The following CNTN3 variants were observed in gnomAD, a reference collection of about 807,000 sequenced individuals.
The protein encoded by CNTN3 is contactin 3.
In CNTN3, 60 loss-of-function variants were observed where a neutral mutation model predicts 119.1. The observed-to-expected ratio is 0.50, with a 90% CI of 0.41 to 0.62. The LOEUF is 0.62. Among genes scored for constraint, CNTN3 ranks in the 20% least tolerant of loss-of-function variants. CNTN3 has a pLI of 0.00. For synonymous variants in CNTN3, 450 were observed against 438.7 expected (o/e 1.03, Z -0.32); for missense variants, 1,101 against 1,242.4 (o/e 0.89, Z 1.71).
intron 1 of CNTN3, among the ~76,000 whole-genome samples, chr3:74,563,975 G>C (rs1704190271): frequency 1.3e-5 from 2 of 152,040 alleles, no homozygotes; most frequent in East Asian, 3.9e-4. Context: ...AGATTTACTG[G>C]GTCTGCACCA....
intron 5 of CNTN3, among the ~76,000 whole-genome samples, chr3:74,375,772 A>G (rs920061232): frequency 2.0e-5 from 3 of 152,208 alleles, no homozygotes; most frequent in Non-Finnish European, 4.4e-5. Flanking sequence ...CTCCATAAGC[A>G]ACATAGGCCT....
At chr3:74,487,539 C>T (rs974982163) in intron 3 of CNTN3, among the ~76,000 whole-genome samples, 2 of 151,952 alleles carry the variant, frequency 1.3e-5, no homozygotes, top group African/African-American at 2.4e-5. Context: ...AACTATAATG[C>T]CCATTTTATA....
At chr3:74,459,744 C>A (rs1434258947) in intron 4 of CNTN3, among the ~76,000 whole-genome samples, 1 of 151,960 alleles carries the variant, frequency 6.6e-6, no homozygotes, top group Admixed American at 6.6e-5. Context: ...AGGTAGTGTG[C>A]CCAAATACCC....
chr3:74,491,073 T>A (rs1702954132), intron 3 of CNTN3, among the ~76,000 whole-genome samples: 1 of 152,196 alleles, frequency 6.6e-6, no homozygotes, highest in Non-Finnish European at 1.5e-5. Context: ...GCAAGTAATC[T>A]CTGGGCCTAA....
chr3:74,398,482 C>A (rs1705111092), intron 5 of CNTN3, among the ~76,000 whole-genome samples: 1 of 152,186 alleles, frequency 6.6e-6, no homozygotes, highest in Non-Finnish European at 1.5e-5. Context: ...ATTTAATAAG[C>A]AAACACAGCT....
intron 3 of CNTN3, among the ~76,000 whole-genome samples, chr3:74,496,102 G>T (rs1473455395): frequency 6.6e-6 from 1 of 151,944 alleles, no homozygotes; most frequent in Non-Finnish European, 1.5e-5. Context: ...TAACTTAATT[G>T]ATTTAAATTT....
intron 20 of CNTN3, among the ~76,000 whole-genome samples, chr3:74,285,094 G>A (rs1247708449): frequency 6.6e-6 from 1 of 152,110 alleles, no homozygotes; most frequent in African/African-American, 2.4e-5. Context: ...TTCAGAAGGT[G>A]CACGTTCATT....
At chr3:74,356,557 G>A (rs1703939223) in intron 11 of CNTN3, among the ~76,000 whole-genome samples, 1 of 151,996 alleles carries the variant, frequency 6.6e-6, no homozygotes, top group South Asian at 2.1e-4. Context: ...ACCCTGAAAA[G>A]CTACAAACAA....
chr3:74,501,647 T>G (rs999888780), intron 2 of CNTN3, among the ~76,000 whole-genome samples: 2 of 152,142 alleles, frequency 1.3e-5, no homozygotes, highest in Non-Finnish European at 2.9e-5. Context: ...CTCAGCTGAC[T>G]CGGGGCAACT....
chr3:74,570,593 G>A (rs2106649225), intron 1 of CNTN3, among the ~76,000 whole-genome samples: 1 of 150,844 alleles, frequency 6.6e-6, no homozygotes, highest in African/African-American at 2.4e-5. Flanking sequence ...GTGCCCTAGA[G>A]AATACAGACT....
chr3:74,317,995 A>C (rs1369177404), intron 13 of CNTN3, among the ~76,000 whole-genome samples: 1 of 152,038 alleles, frequency 6.6e-6, no homozygotes, highest in Non-Finnish European at 1.5e-5. Flanking sequence ...TAGATTTGGT[A>C]TTTTCACATA....
intron 17 of CNTN3, 132 bp from the exon 18 acceptor site, chr3:74,298,323 G>C (rs1041152298): frequency 2.0e-6 from 1 of 489,338 alleles, no homozygotes; most frequent in African/African-American, 2.0e-5. Context: ...GCAGTTGCAT[G>C]AAAAAAGGAG....
At position 74,500,968 on chromosome 3, in the gene CNTN3, A is replaced by G. The variant is rs569160365; in HGVS notation, c.56-1183T>C. Among the ~76,000 whole-genome samples, 16 of 152,214 alleles carry G rather than the reference A, an allele frequency of 1.1e-4. No homozygotes were observed. The East Asian group carries it at 1.5e-3, about 15-fold the overall frequency. On this transcript the variant is annotated intron_variant, in intron 2 of 22. Transcript: ENST00000263665. Reference sequence around the variant, plus strand: ...AAGTTCACACAGCATTGCAGAATGTAAAACACATATTCTAGAATAATGGAT... The same window carrying G: ...AAGTTCACACAGCATTGCAGAATGTGAAACACATATTCTAGAATAATGGAT...
chr3:74,421,422 G>A (rs1033158588), intron 5 of CNTN3, among the ~76,000 whole-genome samples: 10 of 151,982 alleles, frequency 6.6e-5, no homozygotes, highest in Non-Finnish European at 8.8e-5. Flanking sequence ...TGCCTGCCTC[G>A]GCCTCCCAAA....
intron 1 of CNTN3, among the ~76,000 whole-genome samples, chr3:74,537,630 C>G (rs1022660773): frequency 6.6e-6 from 1 of 152,118 alleles, no homozygotes; most frequent in Non-Finnish European, 1.5e-5. Flanking sequence ...ACCTCTGTGA[C>G]TCCTTGCAGT....
intron 1 of CNTN3, among the ~76,000 whole-genome samples, chr3:74,601,550 T>C (rs1704910849): frequency 6.6e-6 from 1 of 152,152 alleles, no homozygotes; most frequent in Non-Finnish European, 1.5e-5. Flanking sequence ...ACATTTCCTG[T>C]TTCTAATTTG....
intron 4 of CNTN3, among the ~76,000 whole-genome samples, chr3:74,435,128 T>C (rs1575722066): frequency 6.6e-6 from 1 of 152,226 alleles, no homozygotes; most frequent in African/African-American, 2.4e-5. Flanking sequence ...TCTTCCCATT[T>C]ATCTCTGATT....
intron 2 of CNTN3, among the ~76,000 whole-genome samples, chr3:74,519,695 C>T (rs1401767833): frequency 6.6e-6 from 1 of 151,600 alleles, no homozygotes; most frequent in East Asian, 1.9e-4. Context: ...AGAAAAGACT[C>T]CAAGAATAAA....
At chr3:74,501,629 G>A (rs895655663) in intron 2 of CNTN3, among the ~76,000 whole-genome samples, 3 of 152,074 alleles carry the variant, frequency 2.0e-5, no homozygotes, top group African/African-American at 4.8e-5. Context: ...GTAAGGGCAA[G>A]CTCACAGCTC....
Sources: gnomAD v4.1 joint callset for allele counts (sites outside exome capture counted in the v4.1 genomes callset) on GRCh38, gnomAD v4.1.1 for gene constraint, MANE v1.5 for transcripts, NCBI Gene and HGNC (gene_info 2026-07-23, HGNC 2026-07-21) for gene names.